The following NAT1 variants were observed in gnomAD, a reference collection of about 807,000 sequenced individuals.
The protein encoded by NAT1 is N-acetyltransferase 1.
For synonymous variants in NAT1, 144 were observed against 122.6 expected, an observed-to-expected ratio of 1.17 and a Z score of -1.16; for missense variants, 400 against 339.2, an observed-to-expected ratio of 1.18 and a Z score of -1.41.
At chr8:18,202,180 G>A (rs1033465785) in intron 2 of NAT1, among the ~76,000 whole-genome samples, 12 of 152,256 alleles carry the variant, frequency 7.9e-5, no homozygotes, top group African/African-American at 2.9e-4. Flanking sequence ...AGCTTGTCTT[G>A]ACTGGGCCTT....
Position 18,173,592 on chromosome 8 carries a change from T to A in NAT1, n.92+2853T>A, listed in dbSNP as rs141803218. On this transcript the variant is annotated intron_variant and non_coding_transcript_variant, in intron 2 of 4. Transcript: ENST00000517441. ...AGGCACAGAAAATAGTCTCACCTCT[T>A]CCCAGTACTTAGGAGCCCAGCGTGG... Among the ~76,000 whole-genome samples the A allele has an allele frequency of 3.0e-3, 464 of 152,236 alleles. 6 individuals carry two copies. The highest frequency in any genetic ancestry group is 1.0e-2 in the African/African-American group (414 of 41,556).
At position 18,178,870 on chromosome 8, in the gene NAT1, G is replaced by T. The variant is rs114987071; in HGVS notation, n.92+8131G>T. On this transcript the variant is annotated intron_variant and non_coding_transcript_variant, in intron 2 of 4. Coordinates refer to the NAT1 transcript ENST00000517441. ...AGAGTTTAGCTGACAAGCTTTTCAA[G>T]TCTAATACCACTTACTCCTCTAGAT... Among the ~76,000 whole-genome samples, 440 of 152,204 alleles carry T rather than the reference G, an allele frequency of 2.9e-3. 4 individuals are homozygous for T. The highest frequency in any genetic ancestry group is 0.01 in the African/African-American group (423 of 41,554).
At chr8:18,195,518 C>T (rs972688822) in intron 2 of NAT1, among the ~76,000 whole-genome samples, 10 of 152,170 alleles carry the variant, frequency 6.6e-5, no homozygotes, top group Non-Finnish European at 1.5e-5. Context: ...AGTTTGGACC[C>T]ATCCCCAGAG....
At chr8:18,214,090 G>A (rs974888633) in intron 1 of NAT1, among the ~76,000 whole-genome samples, 32 of 152,156 alleles carry the variant, frequency 2.1e-4, no homozygotes, top group Admixed American at 9.2e-4. Flanking sequence ...TGGGATTACA[G>A]GCATGAGCAA....
At chr8:18,187,797 C>T (rs530705060) in intron 2 of NAT1, among the ~76,000 whole-genome samples, 21 of 152,166 alleles carry the variant, frequency 1.4e-4, no homozygotes, top group African/African-American at 4.3e-4. Context: ...GTACACCAAA[C>T]CCGTGTGACA....
chr8:18,213,808 C>T (rs752903254), intron 1 of NAT1, among the ~76,000 whole-genome samples: 4 of 151,748 alleles, frequency 2.6e-5, no homozygotes, highest in African/African-American at 7.3e-5. Flanking sequence ...AAATTTTTAA[C>T]GTCATATTTC....
At chr8:18,197,689 G>T (rs1803294129) in intron 2 of NAT1, among the ~76,000 whole-genome samples, 1 of 152,130 alleles carries the variant, frequency 6.6e-6, no homozygotes, top group African/African-American at 2.4e-5. Context: ...CATTGTTCTT[G>T]CTGTCAGAAC....
In NAT1 at chr8:18,198,888, GA is replaced by G. The variant is rs199770615; in HGVS notation, n.93-10886del. 4.5e-4 allele frequency among the ~76,000 whole-genome samples: 69 copies of G among 152,040 alleles called. 1 individual carries two copies. The East Asian group carries it at 5.6e-3, about 12-fold the overall frequency. ...AACTTGAGTAGGACTTGCAATTAGA[GA>G]AAAAAACTTTTCTGAGCTCTATGTT... is the stretch of plus-strand genomic sequence containing the variant. On this transcript the variant is annotated intron_variant and non_coding_transcript_variant, in intron 2 of 4. Coordinates refer to the NAT1 transcript ENST00000517441.
At chr8:18,212,337 A>G (rs1441710491) in intron 1 of NAT1, 1 of 152,154 alleles carries the variant, frequency 6.6e-6, no homozygotes, top group Non-Finnish European at 1.5e-5. Flanking sequence ...AACATTCAGG[A>G]CCCTCTAGAA....
intron 1 of NAT1, among the ~76,000 whole-genome samples, chr8:18,216,348 A>C (rs1282307121): frequency 6.6e-6 from 1 of 152,166 alleles, no homozygotes; most frequent in Non-Finnish European, 1.5e-5. Context: ...ATAGCATCCC[A>C]AAGTTATGAG....
At chr8:18,198,052 C>G (rs902676498) in intron 2 of NAT1, among the ~76,000 whole-genome samples, 5 of 151,708 alleles carry the variant, frequency 3.3e-5, no homozygotes, top group African/African-American at 9.7e-5. Flanking sequence ...AAAGTAAACC[C>G]AAAACAAATT....
At chr8:18,200,091 T>C (rs73201987) in intron 2 of NAT1, among the ~76,000 whole-genome samples, 2,131 of 152,248 alleles carry the variant, frequency 0.014, 21 homozygotes, top group Admixed American at 0.032. Context: ...TCACTGCTGG[T>C]GGGAATGTAA....
intron 1 of NAT1, among the ~76,000 whole-genome samples, chr8:18,217,660 G>A (rs545053733): frequency 2.4e-4 from 36 of 152,180 alleles, no homozygotes; most frequent in African/African-American, 7.7e-4. Flanking sequence ...AAAAGGCACC[G>A]CAGAGATTCA....
chr8:18,202,367 G>A (rs930474158), intron 2 of NAT1, among the ~76,000 whole-genome samples: 3 of 152,218 alleles, frequency 2.0e-5, no homozygotes, highest in Non-Finnish European at 2.9e-5. Flanking sequence ...TCTAAAGCGC[G>A]AAGGGAAACT....
rs1805399712 is a variant in NAT1, at chr8:18,222,356, T to A, written c.309T>A (p.Thr103=). The A allele has an allele frequency of 6.2e-7, 1 of 1,613,976 alleles. No individual in the cohort carries two copies. The highest frequency in any genetic ancestry group is 1.7e-5 in the Admixed American group (1 of 59,990). Residue 103 remains threonine (T), a synonymous_variant, in exon 3 of 3, where the codon ACT becomes ACA. Coordinates refer to ENST00000307719, the MANE Select transcript of NAT1 (RefSeq NM_000662.8). ...VYSTPAKKYS[T]GMIHLLLQVT... ...GCACTCCAGCCAAAAAATACAGCAC[T>A]GGCATGATTCACCTTCTCCTGCAGG...
chr8:18,198,512 A>C (rs1563173788), intron 2 of NAT1, among the ~76,000 whole-genome samples: 1 of 152,246 alleles, frequency 6.6e-6, no homozygotes, highest in Non-Finnish European at 1.5e-5. Context: ...CACTCTTTCC[A>C]GCAATAAACA....
intron 2 of NAT1, among the ~76,000 whole-genome samples, chr8:18,179,574 A>G (rs543240593): frequency 6.6e-6 from 1 of 152,286 alleles, no homozygotes; most frequent in East Asian, 1.9e-4. Flanking sequence ...GAAGGGCAGA[A>G]CTGATTTTGG....
intron 2 of NAT1, chr8:18,201,070 A>T (rs1803441431): frequency 6.6e-6 from 1 of 152,226 alleles, no homozygotes; most frequent in East Asian, 1.9e-4. Flanking sequence ...CAAGGTTATA[A>T]GGATGCTCAT....
At chr8:18,213,218 G>A (rs1656776134) in intron 1 of NAT1, among the ~76,000 whole-genome samples, 1 of 151,838 alleles carries the variant, frequency 6.6e-6, no homozygotes, top group Non-Finnish European at 1.5e-5. Context: ...AGACCCGATA[G>A]GTCTAAGGGG....
Sources: gnomAD v4.1 joint callset for allele counts (sites outside exome capture counted in the v4.1 genomes callset) on GRCh38, gnomAD v4.1.1 for gene constraint, MANE v1.5 for transcripts, NCBI Gene and HGNC (gene_info 2026-07-23, HGNC 2026-07-21) for gene names.